The following KRT222 variants were observed in gnomAD, a reference collection of about 807,000 sequenced individuals.
KRT222 encodes the protein keratin 222, also known as keratin-like protein KRT222.
Under a neutral mutation model 35.0 loss-of-function variants are expected in KRT222, and 23 were observed. That is an observed-to-expected ratio of 0.66 (90% confidence interval 0.47 to 0.93). The LOEUF (loss-of-function observed/expected upper bound fraction) is 0.93, where lower values mean the gene tolerates loss of function less well. KRT222 is among the 40% of genes least tolerant of loss of function. The pLI is 0.00. For missense variants in KRT222, 339 were observed against 346.3 expected, an observed-to-expected ratio of 0.98 and a Z score of 0.17; for synonymous variants, 108 against 118.8, an observed-to-expected ratio of 0.91 and a Z score of 0.59.
Position 40,660,066 on chromosome 17 carries a change from C to G in KRT222, c.367G>C (p.Glu123Gln). The change falls in exon 3 of 6, where the codon GAG becomes CAG. Residue 123 changes from glutamate to glutamine, a missense_variant. By Grantham distance (29) the Glu-to-Gln change is conservative. Coordinates refer to ENST00000394052, the MANE Select transcript of KRT222 (RefSeq NM_152349.3). Reference sequence around the variant, plus strand: ...CTCATCTTCGTGTTGAGAAGCATCTCGTGCTCTTGAAGCTGCTTTTCGATG... The same window carrying G: ...CTCATCTTCGTGTTGAGAAGCATCTGGTGCTCTTGAAGCTGCTTTTCGATG... Reference protein sequence around the residue: ...RGIEKQLQEHEMLLNTKMRLE... With the variant: ...RGIEKQLQEHQMLLNTKMRLE... The G allele has an allele frequency of 6.2e-7, 1 of 1,614,100 alleles. No individual in the cohort carries two copies. Among genetic ancestry groups the G allele is most frequent in the Non-Finnish European group, 8.5e-7 (1 of 1,180,022 alleles).
rs1053019569 is a variant in KRT222 at position 40,665,168 on chromosome 17, C to A, written c.-69G>T. On this transcript the variant is annotated 5_prime_UTR_variant, in exon 1 of 6. Transcript: ENST00000394052. ...GGATGAGTCGCTGCGGCAGTCTGCT[C>A]GGTCTGCGCGGAAGGCAGGGAGCCT... The A allele has an allele frequency of 1.4e-6, 2 of 1,442,304 alleles. No individual in the cohort carries two copies. The highest frequency in any genetic ancestry group is 1.1e-5 in the South Asian group (1 of 87,470). 89.3% of individuals were successfully genotyped at this position (1,442,304 alleles called of 1,614,324 possible). A position where few individuals can be genotyped will look rare whatever the true frequency, so the allele number is the denominator to read the frequency against.
intron 2 of KRT222, among the ~76,000 whole-genome samples, chr17:40,660,536 C>T (rs2037376718): frequency 6.6e-6 from 1 of 152,098 alleles, no homozygotes; most frequent in Non-Finnish European, 1.5e-5. Flanking sequence ...GCCTTGGCCT[C>T]CCAAAGTGCT....
chr17:40,663,348 T>A (rs566711049), intron 1 of KRT222, among the ~76,000 whole-genome samples: 32 of 152,328 alleles, frequency 2.1e-4, no homozygotes, highest in African/African-American at 7.7e-4. Context: ...AGGAATGCTG[T>A]GCCACTTCTA....
At position 40,656,358 on chromosome 17, in the gene KRT222, G is replaced by T; in HGVS notation, c.*44C>A. The T allele has an allele frequency of 6.8e-7, 1 of 1,480,892 alleles. No individual in the cohort carries two copies. Among genetic ancestry groups the T allele is most frequent in the Non-Finnish European group, 9.4e-7 (1 of 1,059,612 alleles). 91.7% of individuals were successfully genotyped at this position (1,480,892 alleles called of 1,614,324 possible). A position where few individuals can be genotyped will look rare whatever the true frequency, so the allele number is the denominator to read the frequency against. On this transcript the variant is annotated 3_prime_UTR_variant, in exon 6 of 6. Transcript: ENST00000394052. ...GAGGGAGTTGGTATGGCCCACCTTG[G>T]TCCATCCTAACATTTTCCAATCAAG...
chr17:40,657,872 G>T (rs2037356540), intron 3 of KRT222, 122 bp from the exon 4 acceptor site: 1 of 637,618 alleles, frequency 1.6e-6, no homozygotes, highest in Non-Finnish European at 2.7e-6. Flanking sequence ...GAAAAGAAAT[G>T]AACTAAGGCT....
intron 1 of KRT222, among the ~76,000 whole-genome samples, chr17:40,663,900 T>A (rs2037402675): frequency 6.6e-6 from 1 of 152,186 alleles, no homozygotes; most frequent in African/African-American, 2.4e-5. Context: ...TCTATTGATT[T>A]TTTTCTTCTG....
At chr17:40,662,087 G>A in intron 1 of KRT222, 43 bp from the exon 2 acceptor site, 1 of 1,597,152 alleles carries the variant, frequency 6.3e-7, no homozygotes, top group Non-Finnish European at 8.5e-7. Context: ...CAAAAAACAA[G>A]GAGTGCTTCT....
chr17:40,661,188 C>T (rs1034819161), intron 2 of KRT222, among the ~76,000 whole-genome samples: 3 of 151,920 alleles, frequency 2.0e-5, no homozygotes, highest in African/African-American at 7.3e-5. Flanking sequence ...AAGCCTTGGC[C>T]TTCCAAAGTG....
chr17:40,660,297 T>C (rs1597757621), intron 2 of KRT222, 90 bp from the exon 3 acceptor site: 2 of 1,070,434 alleles, frequency 1.9e-6, no homozygotes, highest in African/African-American at 3.2e-5. Flanking sequence ...TTTTTTTTTT[T>C]TGAGATGGAG....
intron 1 of KRT222, among the ~76,000 whole-genome samples, chr17:40,662,604 C>A (rs1468263135): frequency 6.6e-6 from 1 of 152,108 alleles, no homozygotes; most frequent in African/African-American, 2.4e-5. Context: ...TTAAGAAAAT[C>A]TGTTGATTGA....
At chr17:40,661,882 T>C (rs774398193) in intron 2 of KRT222, 34 bp downstream of exon 2, 3 of 1,606,150 alleles carry the variant, frequency 1.9e-6, no homozygotes, top group Non-Finnish European at 1.7e-6. Flanking sequence ...ATCTGAGGAC[T>C]CGATGGGTCG....
chr17:40,656,649 C>G lies in KRT222; in HGVS notation c.660-19G>C, dbSNP rs2037346622. 1.4e-6 allele frequency: 2 copies of G among 1,420,198 alleles called. No homozygotes were observed. The highest frequency in any genetic ancestry group is 1.4e-5 in the African/African-American group (1 of 70,602). 88.0% of individuals were successfully genotyped at this position (1,420,198 alleles called of 1,614,324 possible). On this transcript the variant is annotated intron_variant, in intron 5 of 5. Transcript: ENST00000394052. ...CTCTGTCCTGAAATGATAAAATAAA[C>G]CTTTTAATAATGAAGAAGTATGGGT...
chr17:40,665,021 G>A lies in KRT222; in HGVS notation c.79C>T (p.Leu27Phe). The change falls in exon 1 of 6, where the codon CTC becomes TTC. Residue 27 changes from leucine (L) to phenylalanine (F), a missense_variant. Leu to Phe is a conservative substitution (Grantham distance 22, BLOSUM62 0). Transcript: ENST00000394052. ...ILTRNQIETVLSTRIQLEEDI... is the reference protein window; with the variant it reads ...ILTRNQIETVFSTRIQLEEDI... ...ATCATTACCTGGATCCTTGTTGAGAGCACCGTCTCTATCTGATTTCTGGTG... is the reference window on the plus strand; with the variant it reads ...ATCATTACCTGGATCCTTGTTGAGAACACCGTCTCTATCTGATTTCTGGTG... The A allele has an allele frequency of 6.2e-7, 1 of 1,613,830 alleles. No homozygotes were observed. Among genetic ancestry groups the A allele is most frequent in the Non-Finnish European group, 8.5e-7 (1 of 1,179,846 alleles).
At chr17:40,664,726 A>T (rs2037409335) in intron 1 of KRT222, among the ~76,000 whole-genome samples, 1 of 152,210 alleles carries the variant, frequency 6.6e-6, no homozygotes, top group Non-Finnish European at 1.5e-5. Context: ...AGAGTGCACC[A>T]TTTTATGGTA....
chr17:40,660,297 TTG>T, intron 2 of KRT222, 90 bp from the exon 3 acceptor site: 1 of 1,070,552 alleles, frequency 9.3e-7, no homozygotes, highest in South Asian at 1.5e-5. Flanking sequence ...TTTTTTTTTT[TTG>T]AGATGGAGTC....
In KRT222 at chr17:40,655,484, T is replaced by C. The variant is rs1235402921; in HGVS notation, c.*918A>G. The C allele has an allele frequency of 1.3e-5, 2 of 152,156 alleles. No individual in the cohort carries two copies. Among genetic ancestry groups the C allele is most frequent in the African/African-American group, 2.4e-5 (1 of 41,444 alleles). The allele number at this position is 152,156 out of a possible 1,614,324, so 9.4% of individuals were successfully genotyped here. ...AAATGATTGCAAGAAATATTTATAA[T>C]ACTTCATATAGTATCTTATCTACGG... On this transcript the variant is annotated 3_prime_UTR_variant, in exon 6 of 6. Transcript: ENST00000394052.
At chr17:40,656,869 A>T (rs1255036414) in intron 5 of KRT222, among the ~76,000 whole-genome samples, 1 of 152,138 alleles carries the variant, frequency 6.6e-6, no homozygotes, top group Non-Finnish European at 1.5e-5. Flanking sequence ...CAAAGTAAGG[A>T]TTCAGTACTC....
chr17:40,662,225 G>A lies in KRT222; in HGVS notation c.97-181C>T, dbSNP rs573409105. ...CTAATTAAATATGTAAGTCCATTGCGTTCTTAGCCCGTTTTCTCCTATGTT... is the reference window on the plus strand; with the variant it reads ...CTAATTAAATATGTAAGTCCATTGCATTCTTAGCCCGTTTTCTCCTATGTT... On this transcript the variant is annotated intron_variant, in intron 1 of 5. Transcript: ENST00000394052. The A allele has an allele frequency of 1.9e-4, 114 of 591,312 alleles. 2 individuals carry two copies. The highest frequency in any genetic ancestry group is 4.7e-5 in the Non-Finnish European group (17 of 362,592). 36.6% of individuals were successfully genotyped at this position (591,312 alleles called of 1,614,324 possible).
intron 4 of KRT222, 24 bp from the exon 5 acceptor site, chr17:40,657,511 TATTAA>T: frequency 1.3e-6 from 2 of 1,553,588 alleles, no homozygotes; most frequent in Non-Finnish European, 1.8e-6. Context: ...ATTTATGATA[TATTAA>T]ATTACAGTAT....
Sources: gnomAD v4.1 joint callset for allele counts (sites outside exome capture counted in the v4.1 genomes callset) on GRCh38, gnomAD v4.1.1 for gene constraint, MANE v1.5 for transcripts, NCBI Gene and HGNC (gene_info 2026-07-23, HGNC 2026-07-21) for gene names.